TNFRSF1B: variants seen among roughly 807,000 people sequenced by gnomAD.
TNFRSF1B encodes the protein TNF receptor superfamily member 1B.
Under a neutral mutation model 44.6 loss-of-function variants are expected in TNFRSF1B, and 19 were observed. That is an observed-to-expected ratio of 0.43 (90% CI 0.30 to 0.62). The LOEUF (loss-of-function observed/expected upper bound fraction) is 0.62, where lower values mean the gene tolerates loss of function less well. Ranked by LOEUF, TNFRSF1B falls within the 20% of genes least tolerant of loss-of-function variation. The pLI, the probability that TNFRSF1B is intolerant of heterozygous loss-of-function variation, is 0.16. For missense variants in TNFRSF1B, 541 were observed against 619.9 expected (o/e 0.87, Z 1.35); for synonymous variants, 252 against 261.1 (o/e 0.97, Z 0.34).
chr1:12,183,965 A>G (rs925238983), intron 1 of TNFRSF1B, among the ~76,000 whole-genome samples: 2 of 152,052 alleles, frequency 1.3e-5, no homozygotes, highest in African/African-American at 4.8e-5. Context: ...GTGATTTTCA[A>G]TTTTTCACTT....
intron 8 of TNFRSF1B, among the ~76,000 whole-genome samples, chr1:12,196,323 A>C (rs1299531387): frequency 6.6e-6 from 1 of 152,174 alleles, no homozygotes; most frequent in East Asian, 1.9e-4. Context: ...AAAATAAAAT[A>C]AATAAATAAA....
At position 12,171,944 on chromosome 1, in the gene TNFRSF1B, A is replaced by C. The variant is rs1307123297; in HGVS notation, c.78+4775A>C. Among the ~76,000 whole-genome samples the C allele has an allele frequency of 6.6e-6, 1 of 152,182 alleles. No individual in the cohort carries two copies. Among genetic ancestry groups the C allele is most frequent in the African/African-American group, 2.4e-5 (1 of 41,430 alleles). On this transcript the variant is annotated intron_variant, in intron 1 of 9. Coordinates refer to ENST00000376259, the MANE Select transcript of TNFRSF1B (RefSeq NM_001066.3). The surrounding 1 kb of genome is among the most constrained non-coding windows in gnomAD (Gnocchi z 4.5). ...AGATGAGACGGGGGTTTGAAAAGTC[A>C]GTGGTGGCAGGGTGGGGTTCTGTTT...
chr1:12,202,104 C>G lies in TNFRSF1B; in HGVS notation c.1038C>G (p.Asn346Lys). The G allele has an allele frequency of 6.3e-7, 1 of 1,576,004 alleles. No homozygotes were observed. The highest frequency in any genetic ancestry group is 1.2e-5 in the South Asian group (1 of 86,266). Residue 346 changes from asparagine (N) to lysine (K), a missense_variant, in exon 9 of 10, where the codon AAC (asparagine) becomes AAG (lysine). Asn to Lys is a moderately conservative substitution (Grantham distance 94). Coordinates refer to ENST00000376259, the MANE Select transcript of TNFRSF1B (RefSeq NM_001066.3). The stretch of plus-strand genomic sequence containing the variant: ...TGGACAGAAGGGCGCCCACTCGGAA[C>G]CAGCCACAGGCACCAGGCGTGGAGG... Reference protein sequence around the residue: ...SALDRRAPTRNQPQAPGVEAS... With the variant: ...SALDRRAPTRKQPQAPGVEAS...
chr1:12,201,870 G>T (rs1037266967), intron 8 of TNFRSF1B, 97 bp from the exon 9 acceptor site: 46 of 1,454,674 alleles, frequency 3.2e-5, no homozygotes, highest in Non-Finnish European at 4.0e-5. Context: ...GAGAAGTGCT[G>T]ATGGCAGGAG....
chr1:12,172,021 TC>T (rs1297837053), intron 1 of TNFRSF1B, among the ~76,000 whole-genome samples: 2 of 152,158 alleles, frequency 1.3e-5, no homozygotes, highest in African/African-American at 4.8e-5. Context: ...TTGAGTGGTG[TC>T]TGCTGAGGTT....
Position 12,169,515 on chromosome 1 carries a change from C to T in TNFRSF1B, c.78+2346C>T, listed in dbSNP as rs1304636904. On this transcript the variant is annotated intron_variant, in intron 1 of 9. Coordinates refer to ENST00000376259, the MANE Select transcript of TNFRSF1B (RefSeq NM_001066.3). The surrounding 1 kb of genome is among the most constrained non-coding windows in gnomAD (Gnocchi z 4.5). ...TGCAGGTCTGCCTGATTCCCAAGCT[C>T]CTTTCACTGCACCCTCCCCGTGCCC... is the stretch of plus-strand genomic sequence containing the variant. Among the ~76,000 whole-genome samples the T allele has an allele frequency of 1.3e-5, 2 of 152,178 alleles. No individual in the cohort carries two copies. The highest frequency in any genetic ancestry group is 2.9e-5 in the Non-Finnish European group (2 of 68,024).
At position 12,199,064 on chromosome 1, in the gene TNFRSF1B, C is replaced by G. The variant is rs942233414; in HGVS notation, c.901-2903C>G. ...TGGGGTCCCAGCCCAAGGAATAGGA[C>G]TCAGCCTGCTTCTGTGCCACCTGGG... On this transcript the variant is annotated intron_variant, in intron 8 of 9. Transcript: ENST00000376259. The surrounding 1 kb of genome is among the most constrained non-coding windows in gnomAD (Gnocchi z 4.0). 1.3e-5 allele frequency among the ~76,000 whole-genome samples: 2 copies of G among 152,112 alleles called. No individual in the cohort carries two copies. The highest frequency in any genetic ancestry group is 4.8e-5 in the African/African-American group (2 of 41,422).
At chr1:12,202,450 C>A (rs1019700497) in intron 9 of TNFRSF1B, among the ~76,000 whole-genome samples, 2 of 152,188 alleles carry the variant, frequency 1.3e-5, no homozygotes, top group African/African-American at 4.8e-5. Flanking sequence ...CTGCTACCAC[C>A]CCCAGCTGGC....
intron 1 of TNFRSF1B, among the ~76,000 whole-genome samples, chr1:12,183,596 TTTATC>T (rs1638860159): frequency 6.8e-6 from 1 of 147,350 alleles, no homozygotes; most frequent in African/African-American, 2.4e-5. Context: ...ATCTTTCTAT[TTTATC>T]TATCTATCTA....
intron 8 of TNFRSF1B, among the ~76,000 whole-genome samples, chr1:12,196,736 C>G (rs534428814): frequency 3.3e-5 from 5 of 152,302 alleles, no homozygotes; most frequent in African/African-American, 9.6e-5. Flanking sequence ...CCCCGGCGAG[C>G]GAGTTTCACT....
In TNFRSF1B at chr1:12,187,573, C is replaced by G. The variant is rs951470791; in HGVS notation, c.79-1223C>G. Reference sequence around the variant, plus strand: ...GGTCCAAACCCTTCTCTGTCACTTACCAGGTCTGGGACCTTGGGCAGGTGA... The same window carrying G: ...GGTCCAAACCCTTCTCTGTCACTTAGCAGGTCTGGGACCTTGGGCAGGTGA... On this transcript the variant is annotated intron_variant, in intron 1 of 9. Transcript: ENST00000376259. This position sits in a 1 kb window ranked among gnomAD's most constrained non-coding sequence, Gnocchi z 5.5. Among the ~76,000 whole-genome samples the G allele has an allele frequency of 2.0e-5, 3 of 152,246 alleles. No homozygotes were observed. Among genetic ancestry groups the G allele is most frequent in the African/African-American group, 7.2e-5 (3 of 41,472 alleles).
Position 12,208,354 on chromosome 1 carries a change from G to A in TNFRSF1B, c.*1334G>A, listed in dbSNP as rs1199220384. ...TCCCCACTCCCCACCTTCAATTCCT[G>A]GGCCCCAAACGGGCTGCCCTGCCAC... On this transcript the variant is annotated 3_prime_UTR_variant, in exon 10 of 10. Transcript: ENST00000376259. The A allele has an allele frequency of 6.5e-6, 1 of 152,770 alleles. No homozygotes were observed. Among genetic ancestry groups the A allele is most frequent in the African/African-American group, 2.4e-5 (1 of 41,450 alleles). 9.5% of individuals were successfully genotyped at this position (152,770 alleles called of 1,614,324 possible).
chr1:12,195,910 A>G (rs1639256266), intron 8 of TNFRSF1B, among the ~76,000 whole-genome samples: 1 of 152,224 alleles, frequency 6.6e-6, no homozygotes, highest in Non-Finnish European at 1.5e-5. Context: ...AGGGAGGCCA[A>G]GGTGGGAGGA....
rs574785746 is a variant in TNFRSF1B at position 12,178,985 on chromosome 1, C to A, written c.79-9811C>A. Among the ~76,000 whole-genome samples, 2 of 151,646 alleles carry A rather than the reference C, an allele frequency of 1.3e-5. No individual in the cohort carries two copies. The highest frequency in any genetic ancestry group is 2.9e-5 in the Non-Finnish European group (2 of 67,850). On this transcript the variant is annotated intron_variant, in intron 1 of 9. Transcript: ENST00000376259. This position sits in a 1 kb window ranked among gnomAD's most constrained non-coding sequence, Gnocchi z 4.3. ...GCTGAGGGCAGCGAGGAGGAGGGGT[C>A]GTGGGAGATGGAGCAGGCGACATCA...
chr1:12,171,176 CT>C lies in TNFRSF1B; in HGVS notation c.78+4024del, dbSNP rs61185238. Among the ~76,000 whole-genome samples the C allele has an allele frequency of 0.018, 2,447 of 137,342 alleles. 55 individuals carry two copies. Among genetic ancestry groups the C allele is most frequent in the African/African-American group, 0.05 (1,862 of 37,364 alleles). 90.1% of individuals were successfully genotyped at this position (137,342 alleles called of 152,430 possible). A position where few individuals can be genotyped will look rare whatever the true frequency, so the allele number is the denominator to read the frequency against. ...TGCCACCATGCCCGGCTAATTTTTC[CT>C]TTTTTTTTTTTTTTTTAGTAGAGAC... On this transcript the variant is annotated intron_variant, in intron 1 of 9. Transcript: ENST00000376259. This position sits in a 1 kb window ranked among gnomAD's most constrained non-coding sequence, Gnocchi z 4.5.
chr1:12,193,112 A>AGT lies in TNFRSF1B; in HGVS notation c.787+15_787+16dup, dbSNP rs1391104550. ...CTCTTCCAGTTGGTAAGTCGCAAGA[A>AGT]GTCTCATTCATTCACTCCTTCTGTC... On this transcript the variant is annotated intron_variant, in intron 6 of 9. Coordinates refer to ENST00000376259, the MANE Select transcript of TNFRSF1B (RefSeq NM_001066.3). 1 of 1,594,954 alleles carries AGT rather than the reference A, an allele frequency of 6.3e-7. No homozygotes were observed. Among genetic ancestry groups the AGT allele is most frequent in the Non-Finnish European group, 8.6e-7 (1 of 1,165,260 alleles).
At chr1:12,184,772 G>A (rs191715370) in intron 1 of TNFRSF1B, among the ~76,000 whole-genome samples, 42 of 152,328 alleles carry the variant, frequency 2.8e-4, no homozygotes, top group African/African-American at 9.1e-4. Flanking sequence ...GCCTGGAGCC[G>A]CCCTGGCCCT....
At chr1:12,176,089 T>C (rs1301988104) in intron 1 of TNFRSF1B, among the ~76,000 whole-genome samples, 1 of 149,406 alleles carries the variant, frequency 6.7e-6, no homozygotes, top group African/African-American at 2.5e-5. Flanking sequence ...CGTGGTGGTG[T>C]GCACCTGTAG....
rs1210739553 is a variant in TNFRSF1B at position 12,168,878 on chromosome 1, C to T, written c.78+1709C>T. ...ACCTCTCTGTTTGCCTGGGGAGCCT[C>T]CTGTGGCTCCCAATGGTTGAGGCAG... On this transcript the variant is annotated intron_variant, in intron 1 of 9. Transcript: ENST00000376259. The surrounding 1 kb of genome is among the most constrained non-coding windows in gnomAD (Gnocchi z 4.7). Among the ~76,000 whole-genome samples the T allele has an allele frequency of 1.3e-5, 2 of 152,156 alleles. No individual in the cohort carries two copies. Among genetic ancestry groups the T allele is most frequent in the African/African-American group, 4.8e-5 (2 of 41,420 alleles).
Sources: allele counts gnomAD v4.1 joint callset (sites outside exome capture counted in the v4.1 genomes callset), GRCh38; gene constraint gnomAD v4.1.1; non-coding constraint Gnocchi (gnomAD v3.1); transcripts MANE v1.5; gene names NCBI Gene and HGNC (gene_info 2026-07-23, HGNC 2026-07-21).